Variants in CFAP57 observed in about 807,000 individuals in gnomAD.
CFAP57 encodes cilia- and flagella-associated protein 57.
CFAP57 carries 116 observed loss-of-function variants against 146.8 expected under a neutral mutation model. The observed-to-expected ratio is 0.79, with a 90% CI of 0.68 to 0.92. CFAP57 has a LOEUF of 0.92. Ranked by LOEUF, CFAP57 falls within the 40% of genes least tolerant of loss-of-function variation. CFAP57 has a pLI of 0.00. For synonymous variants in CFAP57, 518 were observed against 552.8 expected, an observed-to-expected ratio of 0.94 and a Z score of 0.88; for missense variants, 1,377 against 1,527.2, an observed-to-expected ratio of 0.90 and a Z score of 1.64.
At chr1:43,222,780 G>A (rs1645097397) in intron 15 of CFAP57, 44 bp from the exon 16 acceptor site, 3 of 1,480,678 alleles carry the variant, frequency 2.0e-6, no homozygotes, top group Non-Finnish European at 2.7e-6. Flanking sequence ...AAAGATGTGT[G>A]AGTCCCTTCT....
At chr1:43,212,947 A>AAAAAG in intron 11 of CFAP57, among the ~76,000 whole-genome samples, 1 of 151,404 alleles carries the variant, frequency 6.6e-6, no homozygotes, top group Admixed American at 6.6e-5. Flanking sequence ...AAAAAAAAAA[A>AAAAAG]AAAGAAAGAA....
At chr1:43,178,433 A>T (rs964256125) in intron 2 of CFAP57, among the ~76,000 whole-genome samples, 9 of 152,216 alleles carry the variant, frequency 5.9e-5, no homozygotes, top group African/African-American at 2.2e-4. Flanking sequence ...AACTTAAACA[A>T]ATTTACAAGA....
At chr1:43,223,959 T>C (rs989898266) in intron 16 of CFAP57, 87 bp from the exon 17 acceptor site, 1 of 1,465,156 alleles carries the variant, frequency 6.8e-7, no homozygotes, top group Non-Finnish European at 9.2e-7. Flanking sequence ...TGGCCAGTGG[T>C]GGGGAGCCCC....
At chr1:43,194,100 G>A (rs1167457631) in intron 6 of CFAP57, among the ~76,000 whole-genome samples, 1 of 151,970 alleles carries the variant, frequency 6.6e-6, no homozygotes, top group Non-Finnish European at 1.5e-5. Flanking sequence ...GGAGTAACTT[G>A]CTTTCAACCT....
In CFAP57 at chr1:43,238,033, T is replaced by G. The variant is rs1645769898; in HGVS notation, c.3405+3395T>G. ...GGAAAGTTGTGGTGTCAAAAGGCAT[T>G]TCAGAGTAGAAATGACAAATAGAAA... is the stretch of plus-strand genomic sequence containing the variant. On this transcript the variant is annotated intron_variant, in intron 21 of 22. Transcript: ENST00000372492. The surrounding 1 kb of genome is among the most constrained non-coding windows in gnomAD (Gnocchi z 4.3). 6.6e-6 allele frequency among the ~76,000 whole-genome samples: 1 copy of G among 152,090 alleles called. No homozygotes were observed. Among genetic ancestry groups the G allele is most frequent in the Non-Finnish European group, 1.5e-5 (1 of 68,004 alleles).
intron 12 of CFAP57, among the ~76,000 whole-genome samples, chr1:43,218,602 T>C (rs1644925762): frequency 1.8e-5 from 1 of 54,944 alleles, no homozygotes; most frequent in East Asian, 7.6e-4. Context: ...AGTGAAACCA[T>C]GTCTCAAAAA....
At chr1:43,181,026 G>C (rs949311056) in intron 2 of CFAP57, among the ~76,000 whole-genome samples, 14 of 151,860 alleles carry the variant, frequency 9.2e-5, no homozygotes, top group African/African-American at 3.4e-4. Context: ...CCTCCTTCAG[G>C]AAGGTTTCCC....
At position 43,226,985 on chromosome 1, in the gene CFAP57, G is replaced by A. The variant is rs1441380088; in HGVS notation, c.2868G>A (p.Glu956=). ...QERDETIQDK[E]KRIYDLKKKN... ...CTTCTCTCTCATCTCACCCCCAGGAGAAGCGAATTTATGATCTGAAAAAGA... is the reference window on the plus strand; with the variant it reads ...CTTCTCTCTCATCTCACCCCCAGGAAAAGCGAATTTATGATCTGAAAAAGA... Residue 956 remains glutamate, a splice_region_variant and synonymous_variant, in exon 18 of 23, where the codon GAG becomes GAA. Coordinates refer to ENST00000372492, the MANE Select transcript of CFAP57 (RefSeq NM_001378189.1). The A allele has an allele frequency of 1.7e-5, 26 of 1,510,860 alleles. No homozygotes were observed. The highest frequency in any genetic ancestry group is 2.2e-5 in the Non-Finnish European group (25 of 1,129,634). The allele number at this position is 1,510,860 out of a possible 1,614,324, so 93.6% of individuals were successfully genotyped here. A position where few individuals can be genotyped will look rare whatever the true frequency, so the allele number is the denominator to read the frequency against.
rs577609457 is a variant in CFAP57 at position 43,248,814 on chromosome 1, TATGAGCATTTTATAC to T, written c.3539-5157_3539-5143del. On this transcript the variant is annotated intron_variant, in intron 22 of 22. Coordinates refer to ENST00000372492, the MANE Select transcript of CFAP57 (RefSeq NM_001378189.1). ...AAGCAAGAAATCCTGAACTATCAGA[TATGAGCATTTTATAC>T]ATGAGAACAATTCCACAACTTTTAG... Among the ~76,000 whole-genome samples, 489 of 152,232 alleles carry T rather than the reference TATGAGCATTTTATAC, an allele frequency of 3.2e-3. 5 individuals carry two copies. Among genetic ancestry groups the T allele is most frequent in the Middle Eastern group, 0.01 (3 of 292 alleles).
At chr1:43,236,590 T>TAAA (rs764205138) in intron 21 of CFAP57, among the ~76,000 whole-genome samples, 826 of 41,790 alleles carry the variant, frequency 0.02, 221 homozygotes, top group African/African-American at 0.051. Flanking sequence ...GAATAAGTGC[T>TAAA]AAAAAAAAAA....
chr1:43,213,951 A>G lies in CFAP57; in HGVS notation c.1930-1304A>G, dbSNP rs531736166. 3.4e-4 allele frequency among the ~76,000 whole-genome samples: 52 copies of G among 150,786 alleles called. 1 individual carries two copies. The highest frequency in any genetic ancestry group is 1.2e-3 in the African/African-American group (50 of 40,992). The stretch of plus-strand genomic sequence containing the variant: ...ACCCAGGATGGAGTGCAATGGTTCA[A>G]TCTCGGCTCACTGCAACCTCCCCCT... On this transcript the variant is annotated intron_variant, in intron 11 of 22. Transcript: ENST00000372492.
At chr1:43,199,310 G>A (rs1644008659) in intron 8 of CFAP57, 80 bp from the exon 9 acceptor site, 2 of 1,400,920 alleles carry the variant, frequency 1.4e-6, no homozygotes, top group African/African-American at 2.8e-5. Context: ...AACTCGTTGG[G>A]AAAAGCACCT....
At chr1:43,199,562 C>G in intron 9 of CFAP57, 59 bp downstream of exon 9, 1 of 1,459,452 alleles carries the variant, frequency 6.9e-7, no homozygotes, top group South Asian at 1.1e-5. Flanking sequence ...ATGCCGCCAG[C>G]CAGTGGGATA....
chr1:43,226,946 T>G (rs1213822714), intron 17 of CFAP57, 37 bp from the exon 18 acceptor site: 2 of 1,466,878 alleles, frequency 1.4e-6, no homozygotes, highest in Non-Finnish European at 1.8e-6. Flanking sequence ...ACCAGGGCCT[T>G]ACAATATCTC....
At chr1:43,187,700 A>G (rs1297503679) in intron 6 of CFAP57, among the ~76,000 whole-genome samples, 3 of 151,418 alleles carry the variant, frequency 2.0e-5, no homozygotes, top group Non-Finnish European at 4.4e-5. Context: ...CTACTTACCT[A>G]CTTCATGTCT....
chr1:43,234,371 G>T lies in CFAP57; in HGVS notation c.3219G>T (p.Lys1073Asn), dbSNP rs1195463031. 3.2e-6 allele frequency: 5 copies of T among 1,550,482 alleles called. No homozygotes were observed. The highest frequency in any genetic ancestry group is 2.4e-5 in the East Asian group (1 of 40,906). Reference protein sequence around the residue: ...YIQEPRLLKEKVRGLFEKYVQ... With the variant: ...YIQEPRLLKENVRGLFEKYVQ... ...AGGAACCGCGGCTGCTGAAGGAGAA[G>T]GTTCGAGGTCTCTTTGAGAAGTACG... Residue 1073 changes from lysine to asparagine, a missense_variant, in exon 20 of 23, where the codon AAG becomes AAT. Coordinates refer to ENST00000372492, the MANE Select transcript of CFAP57 (RefSeq NM_001378189.1).
chr1:43,222,721 T>C lies in CFAP57; in HGVS notation c.2533-103T>C, dbSNP rs1404268803. The stretch of plus-strand genomic sequence containing the variant: ...TTCTGGAATGACACTCGCCTTTGAC[T>C]CCCTGGGACAGGTCCCCATGCTCAT... On this transcript the variant is annotated intron_variant, in intron 15 of 22. Coordinates refer to ENST00000372492, the MANE Select transcript of CFAP57 (RefSeq NM_001378189.1). 3.8e-6 allele frequency: 5 copies of C among 1,312,876 alleles called. No individual in the cohort carries two copies. The African/African-American group carries it at 6.0e-5, about 16-fold the overall frequency. The allele number at this position is 1,312,876 out of a possible 1,614,324, so 81.3% of individuals were successfully genotyped here.
At chr1:43,184,320 C>G (rs1395614299) in intron 4 of CFAP57, among the ~76,000 whole-genome samples, 1 of 152,088 alleles carries the variant, frequency 6.6e-6, no homozygotes, top group African/African-American at 2.4e-5. Flanking sequence ...GTAAATCTGA[C>G]AGAGGATAGG....
rs2124331448 is a variant in CFAP57 at position 43,186,734 on chromosome 1, C to G, written c.997C>G (p.Pro333Ala). Residue 333 changes from proline to alanine, a missense_variant, in exon 6 of 23, where the codon CCA (proline) becomes GCA (alanine). Pro to Ala is a conservative substitution (Grantham distance 27). Coordinates refer to ENST00000372492, the MANE Select transcript of CFAP57 (RefSeq NM_001378189.1). ...RIPVDPQSND[P>A]SQSDKQDVLC... ...TCCTGTGGACCCGCAGAGCAATGAT[C>G]CAAGTCAGTCTGACAAACAGGACGT... 1.2e-6 allele frequency: 2 copies of G among 1,614,038 alleles called. No homozygotes were observed. Among genetic ancestry groups the G allele is most frequent in the South Asian group, 2.2e-5 (2 of 91,084 alleles).
Sources: allele counts gnomAD v4.1 joint callset (sites outside exome capture counted in the v4.1 genomes callset), GRCh38; gene constraint gnomAD v4.1.1; non-coding constraint Gnocchi (gnomAD v3.1); transcripts MANE v1.5; gene names NCBI Gene and HGNC (gene_info 2026-07-23, HGNC 2026-07-21).